The following LEMD3 variants were observed in gnomAD, a reference collection of about 807,000 sequenced individuals.
LEMD3 encodes inner nuclear membrane protein Man1.
Under a neutral mutation model 95.2 loss-of-function variants are expected in LEMD3, and 33 were observed. That is an observed-to-expected ratio of 0.35 (90% CI 0.26 to 0.46). The LOEUF is 0.46. LEMD3 is among the 20% of genes least tolerant of loss of function. The pLI is 1.00. For missense variants in LEMD3, 1,210 were observed against 1,192.8 expected (o/e 1.01, Z -0.21); for synonymous variants, 525 against 474.6 (o/e 1.11, Z -1.38).
At chr12:65,220,717 C>A (rs1041325443) in intron 4 of LEMD3, among the ~76,000 whole-genome samples, 22 of 152,134 alleles carry the variant, frequency 1.4e-4, no homozygotes, top group African/African-American at 5.1e-4. Flanking sequence ...ACATTTAAGT[C>A]TTTAATCCAT....
At chr12:65,171,847 CAA>C in intron 1 of LEMD3, 1 of 152,368 alleles carries the variant, frequency 6.6e-6, no homozygotes, top group East Asian at 1.9e-4. Context: ...CCCTTAAACA[CAA>C]AAAGAAGATG....
chr12:65,219,296 T>TGG (rs1199954791), intron 4 of LEMD3, among the ~76,000 whole-genome samples: 1 of 152,210 alleles, frequency 6.6e-6, no homozygotes, highest in African/African-American at 2.4e-5. Flanking sequence ...TTGAATTTTC[T>TGG]AAACTACTGT....
chr12:65,179,781 A>C lies in LEMD3; in HGVS notation c.1522+8663A>C, dbSNP rs1868844139. 1.3e-5 allele frequency among the ~76,000 whole-genome samples: 2 copies of C among 152,234 alleles called. 1 individual carries two copies. Among genetic ancestry groups the C allele is most frequent in the Admixed American group, 1.3e-4 (2 of 15,274 alleles). ...CCCAGAACTTAAAATAACATTTTAA[A>C]AAAGATGTATTTTAATCTTGTATTG... is the stretch of plus-strand genomic sequence containing the variant. On this transcript the variant is annotated intron_variant, in intron 1 of 12. Coordinates refer to ENST00000308330, the MANE Select transcript of LEMD3 (RefSeq NM_014319.5).
At position 65,169,852 on chromosome 12, in the gene LEMD3, G is replaced by C; in HGVS notation, c.256G>C (p.Ala86Pro). The C allele has an allele frequency of 6.8e-7, 1 of 1,463,274 alleles. No individual in the cohort carries two copies. Among genetic ancestry groups the C allele is most frequent in the Non-Finnish European group, 9.0e-7 (1 of 1,106,418 alleles). The allele number at this position is 1,463,274 out of a possible 1,614,324, so 90.6% of individuals were successfully genotyped here. A position where few individuals can be genotyped will look rare whatever the true frequency, so the allele number is the denominator to read the frequency against. ...VAAAGPAAAA[A>P]AGMGVRPVSG... is the part of the protein sequence containing the mutation. Reference sequence around the variant, plus strand: ...AGCCGCGGGACCAGCGGCGGCGGCGGCCGCGGGGATGGGGGTCCGGCCGGT... The same window carrying C: ...AGCCGCGGGACCAGCGGCGGCGGCGCCCGCGGGGATGGGGGTCCGGCCGGT... The change falls in exon 1 of 13, where the codon GCC (alanine) becomes CCC (proline). Residue 86 changes from alanine (A) to proline (P), a missense_variant. Transcript: ENST00000308330.
chr12:65,225,178 A>T (rs1412421438), intron 4 of LEMD3, among the ~76,000 whole-genome samples: 1 of 151,916 alleles, frequency 6.6e-6, no homozygotes, highest in African/African-American at 2.4e-5. Flanking sequence ...CTTTTTCTGA[A>T]TTCTTTGTCA....
intron 9 of LEMD3, 112 bp from the exon 10 acceptor site, chr12:65,243,276 C>A: frequency 1.4e-6 from 1 of 727,876 alleles, no homozygotes; most frequent in South Asian, 1.5e-5. Flanking sequence ...AACCAGGGGT[C>A]TGGCTCCTAG....
chr12:65,176,645 T>A (rs1244793369), intron 1 of LEMD3, among the ~76,000 whole-genome samples: 1 of 152,190 alleles, frequency 6.6e-6, no homozygotes, highest in Admixed American at 6.5e-5. Context: ...GAGTACAAAC[T>A]TTTTACTCAG....
chr12:65,178,895 A>G (rs1868814680), intron 1 of LEMD3, among the ~76,000 whole-genome samples: 1 of 152,232 alleles, frequency 6.6e-6, no homozygotes, highest in African/African-American at 2.4e-5. Context: ...GTATAGATTC[A>G]TAAAATCCTA....
intron 1 of LEMD3, among the ~76,000 whole-genome samples, chr12:65,185,417 ATTATAAAGTTTGTCTGAAGACC>A (rs1869030649): frequency 6.6e-6 from 1 of 152,136 alleles, no homozygotes; most frequent in Non-Finnish European, 1.5e-5. Context: ...AACTGTGCCC[ATTATAAAGTTTGTCTGAAGACC>A]TAATAAATAA....
chr12:65,216,562 A>G (rs1035019905), intron 3 of LEMD3, among the ~76,000 whole-genome samples: 1 of 152,004 alleles, frequency 6.6e-6, no homozygotes, highest in African/African-American at 2.4e-5. Context: ...TTTATTATAG[A>G]TTAATTAGTA....
chr12:65,170,174 C>A lies in LEMD3; in HGVS notation c.578C>A (p.Pro193His), dbSNP rs1177832249. 5 of 1,495,060 alleles carry A rather than the reference C, an allele frequency of 3.3e-6. No individual in the cohort carries two copies. The African/African-American group carries it at 5.6e-5, about 17-fold the overall frequency. The allele number at this position is 1,495,060 out of a possible 1,614,324, so 92.6% of individuals were successfully genotyped here. The change falls in exon 1 of 13, where the codon CCC becomes CAC. Residue 193 changes from proline to histidine, a missense_variant. Physicochemically the swap from Pro to His is moderately conservative, Grantham distance 77. Coordinates refer to ENST00000308330, the MANE Select transcript of LEMD3 (RefSeq NM_014319.5). ...TNSNSAERRKPHSWWGARRPA... is the reference protein window; with the variant it reads ...TNSNSAERRKHHSWWGARRPA... ...AGCAACTCTGCAGAGCGAAGGAAGC[C>A]CCACTCGTGGTGGGGGGCCAGGAGG...
At chr12:65,243,817 G>A (rs1871006172) in intron 10 of LEMD3, among the ~76,000 whole-genome samples, 1 of 152,280 alleles carries the variant, frequency 6.6e-6, no homozygotes, top group East Asian at 1.9e-4. Context: ...TGCCTCAGTA[G>A]AAAATATAGA....
rs1871153216 is a variant in LEMD3 at position 65,247,541 on chromosome 12, G to A, written c.*1216G>A. On this transcript the variant is annotated 3_prime_UTR_variant, in exon 13 of 13. Coordinates refer to ENST00000308330, the MANE Select transcript of LEMD3 (RefSeq NM_014319.5). The stretch of plus-strand genomic sequence containing the variant: ...GTTTCAGTAAACTTACTTTATTACT[G>A]TTTATGATTTCAGATAAAAATAGTT... The A allele has an allele frequency of 6.6e-6, 1 of 152,112 alleles. No individual in the cohort carries two copies. Among genetic ancestry groups the A allele is most frequent in the Admixed American group, 6.6e-5 (1 of 15,258 alleles). The allele number at this position is 152,112 out of a possible 1,614,324, so 9.4% of individuals were successfully genotyped here.
chr12:65,194,205 T>C (rs1258136881), intron 1 of LEMD3, among the ~76,000 whole-genome samples: 1 of 152,186 alleles, frequency 6.6e-6, no homozygotes, highest in African/African-American at 2.4e-5. Flanking sequence ...CAGTTGGCCT[T>C]GTACATACAA....
intron 3 of LEMD3, 53 bp from the exon 4 acceptor site, chr12:65,218,499 C>T (rs1222338767): frequency 5.7e-6 from 6 of 1,054,854 alleles, no homozygotes; most frequent in African/African-American, 1.6e-5. Flanking sequence ...TGTTTGTTTT[C>T]TTCTGTTTAA....
At chr12:65,175,162 C>A (rs1275697453) in intron 1 of LEMD3, among the ~76,000 whole-genome samples, 1 of 152,126 alleles carries the variant, frequency 6.6e-6, no homozygotes, top group South Asian at 2.1e-4. Context: ...GACCTAAACG[C>A]CTTGAGGGCC....
At chr12:65,206,703 A>C (rs1348558759) in intron 1 of LEMD3, among the ~76,000 whole-genome samples, 2 of 152,140 alleles carry the variant, frequency 1.3e-5, no homozygotes, top group Admixed American at 6.6e-5. Flanking sequence ...GTATCACGGA[A>C]AATACTTCCC....
intron 12 of LEMD3, 79 bp from the exon 13 acceptor site, chr12:65,246,083 A>T: frequency 1.5e-6 from 2 of 1,293,204 alleles, no homozygotes; most frequent in Non-Finnish European, 1.1e-6. Context: ...TTGTGCTCAT[A>T]TGTCTTTTAC....
intron 1 of LEMD3, among the ~76,000 whole-genome samples, chr12:65,194,382 C>G (rs1198797750): frequency 6.6e-6 from 1 of 152,120 alleles, no homozygotes; most frequent in Non-Finnish European, 1.5e-5. Context: ...GTATCCACCT[C>G]CCTGAAAATT....
Sources: gnomAD v4.1 joint callset for allele counts (sites outside exome capture counted in the v4.1 genomes callset) on GRCh38, gnomAD v4.1.1 for gene constraint, MANE v1.5 for transcripts, NCBI Gene and HGNC (gene_info 2026-07-23, HGNC 2026-07-21) for gene names.